Variants in ZNF565 observed in about 807,000 individuals in gnomAD.
ZNF565 encodes the protein zinc finger protein 565.
Under a neutral mutation model 39.4 loss-of-function variants are expected in ZNF565, and 27 were observed. That is an observed-to-expected ratio of 0.69 (90% confidence interval 0.51 to 0.95). ZNF565 has a LOEUF of 0.95. ZNF565 is among the 40% of genes least tolerant of loss of function. The pLI is 0.00. For missense variants in ZNF565, 524 were observed against 621.1 expected, an observed-to-expected ratio of 0.84 and a Z score of 1.66; for synonymous variants, 185 against 216.6, an observed-to-expected ratio of 0.85 and a Z score of 1.28.
chr19:36,232,838 G>A (rs1977446470), intron 1 of ZNF565, among the ~76,000 whole-genome samples: 1 of 151,920 alleles, frequency 6.6e-6, no homozygotes, highest in South Asian at 2.1e-4. Flanking sequence ...TTAAACTCTT[G>A]GCCCCACAGT....
intron 1 of ZNF565, among the ~76,000 whole-genome samples, chr19:36,203,953 T>G (rs1218027222): frequency 6.9e-6 from 1 of 145,500 alleles, no homozygotes; most frequent in Non-Finnish European, 1.5e-5. Context: ...AAGAAATACT[T>G]TTTTTTTTTT....
chr19:36,208,239 G>A (rs1976230162), intron 1 of ZNF565, among the ~76,000 whole-genome samples: 1 of 149,656 alleles, frequency 6.7e-6, no homozygotes, highest in Admixed American at 6.7e-5. Flanking sequence ...GCAGGGACAG[G>A]ATCTCACTCT....
chr19:36,215,512 T>C (rs984875673), upstream of ZNF565, among the ~76,000 whole-genome samples: 2 of 152,252 alleles, frequency 1.3e-5, no homozygotes, highest in Non-Finnish European at 2.9e-5. Context: ...TCGAAAGTGC[T>C]GATAATTATA....
chr19:36,225,969 A>T (rs1457968549), intron 1 of ZNF565, among the ~76,000 whole-genome samples: 2 of 151,720 alleles, frequency 1.3e-5, no homozygotes, highest in Admixed American at 6.6e-5. Flanking sequence ...GGGTCTTGCC[A>T]TGTTGCCTAG....
chr19:36,237,368 C>G (rs1348566737), intron 1 of ZNF565: 2 of 1,540,160 alleles, frequency 1.3e-6, no homozygotes, highest in Admixed American at 2.1e-5. Context: ...TAGAAATTTG[C>G]ACCTCATCAT....
At chr19:36,243,909 C>T (rs1977838133) in intron 1 of ZNF565, among the ~76,000 whole-genome samples, 1 of 152,074 alleles carries the variant, frequency 6.6e-6, no homozygotes, top group Non-Finnish European at 1.5e-5. Context: ...ACTCTGTTGC[C>T]CAGGCTGATT....
intron 2 of ZNF565, among the ~76,000 whole-genome samples, chr19:36,201,733 C>A (rs1472282118): frequency 6.6e-6 from 1 of 152,076 alleles, no homozygotes; most frequent in East Asian, 1.9e-4. Flanking sequence ...CCTCAGCCTC[C>A]TAAAGTGCTG....
chr19:36,197,885 C>T (rs148115549), intron 2 of ZNF565, among the ~76,000 whole-genome samples: 13 of 152,054 alleles, frequency 8.5e-5, no homozygotes, highest in Non-Finnish European at 1.3e-4. Context: ...TGGTGGCTCA[C>T]GCCTGTAATC....
chr19:36,216,586 A>C (rs1194784965), upstream of ZNF565, among the ~76,000 whole-genome samples: 1 of 98,432 alleles, frequency 1.0e-5, no homozygotes, highest in African/African-American at 3.5e-5. Context: ...TGAACCTGGG[A>C]GGCGGAGGTT....
At chr19:36,194,473 C>T in intron 3 of ZNF565, 145 bp from the exon 4 acceptor site, 1 of 572,884 alleles carries the variant, frequency 1.7e-6, no homozygotes, top group South Asian at 3.2e-5. Flanking sequence ...AGCAGAATGA[C>T]TTGTTTCTAG....
At chr19:36,237,121 C>G (rs377342595) in intron 1 of ZNF565, 2 of 1,614,024 alleles carry the variant, frequency 1.2e-6, no homozygotes, top group African/African-American at 2.7e-5. Flanking sequence ...GCTCATCTCT[C>G]ACTGTGCATG....
At chr19:36,234,202 G>A (rs1028059542) in intron 1 of ZNF565, among the ~76,000 whole-genome samples, 5 of 152,298 alleles carry the variant, frequency 3.3e-5, no homozygotes, top group Admixed American at 6.5e-5. Flanking sequence ...AGGGTTGGGG[G>A]TAGGGTTACA....
intron 1 of ZNF565, among the ~76,000 whole-genome samples, chr19:36,229,646 ATGG>A (rs1977237142): frequency 6.6e-6 from 1 of 152,222 alleles, no homozygotes; most frequent in South Asian, 2.1e-4. Context: ...TTTCATATAA[ATGG>A]TGGTATATTA....
In ZNF565 at chr19:36,185,440, A is replaced by C. The variant is rs1158456812; in HGVS notation, c.233-1707T>G. Among the ~76,000 whole-genome samples the C allele has an allele frequency of 3.3e-5, 5 of 151,670 alleles. No individual in the cohort carries two copies. The South Asian group carries it at 8.4e-4, about 25-fold the overall frequency. ...AAAAAAAAAAAAAAAAAGAATTACAAACTCACTGCCATGGCTCACAGGGCT... is the reference window on the plus strand; with the variant it reads ...AAAAAAAAAAAAAAAAAGAATTACACACTCACTGCCATGGCTCACAGGGCT... On this transcript the variant is annotated intron_variant, in intron 4 of 4. Transcript: ENST00000304116.
At chr19:36,203,451 C>G (rs1368946706) in intron 1 of ZNF565, 2 of 152,140 alleles carry the variant, frequency 1.3e-5, no homozygotes, top group African/African-American at 4.8e-5. Flanking sequence ...CACTACCTTC[C>G]GACCATCTAC....
rs755514378 is a variant in ZNF565, at chr19:36,182,582, G to A, written c.1384C>T (p.Leu462Phe). The A allele has an allele frequency of 1.2e-6, 2 of 1,614,124 alleles. No homozygotes were observed. Among genetic ancestry groups the A allele is most frequent in the Non-Finnish European group, 1.7e-6 (2 of 1,180,008 alleles). The change falls in exon 5 of 5, where the codon CTT (leucine) becomes TTT (phenylalanine). Residue 462 changes from leucine to phenylalanine, a missense_variant. Physicochemically the swap from Leu to Phe is conservative, Grantham distance 22 (BLOSUM62 0). Coordinates refer to ENST00000304116, the MANE Select transcript of ZNF565 (RefSeq NM_152477.5). The part of the protein sequence containing the change: ...CGMAFIRSSQ[L>F]TEHQRIHPGI... The stretch of plus-strand genomic sequence containing the variant: ...GGATGAATTCTCTGATGTTCGGTAA[G>A]TTGTGAACTACGAATAAAGGCCATT...
intron 1 of ZNF565, among the ~76,000 whole-genome samples, chr19:36,242,724 C>T (rs1246404192): frequency 6.6e-6 from 1 of 151,502 alleles, no homozygotes; most frequent in Non-Finnish European, 1.5e-5. Flanking sequence ...GACTCTGTCT[C>T]GAAAAAATAA....
At chr19:36,199,561 G>A (rs1390811886) in intron 2 of ZNF565, among the ~76,000 whole-genome samples, 1 of 141,126 alleles carries the variant, frequency 7.1e-6, no homozygotes, top group African/African-American at 2.6e-5. Flanking sequence ...AGGCTGCAGT[G>A]CAGTGGCATG....
At chr19:36,226,976 C>T (rs906301352) in intron 1 of ZNF565, among the ~76,000 whole-genome samples, 19 of 151,550 alleles carry the variant, frequency 1.3e-4, no homozygotes, top group Admixed American at 7.9e-4. Context: ...CCAGCTGCTC[C>T]GGAGGCTGAG....
Sources: gnomAD v4.1 joint callset for allele counts (sites outside exome capture counted in the v4.1 genomes callset) on GRCh38, gnomAD v4.1.1 for gene constraint, MANE v1.5 for transcripts, NCBI Gene and HGNC (gene_info 2026-07-23, HGNC 2026-07-21) for gene names.